USO1: variants seen among roughly 807,000 people sequenced by gnomAD.
The protein encoded by USO1 is general vesicular transport factor p115.
Under a neutral mutation model 124.5 loss-of-function variants are expected in USO1, and 57 were observed. The ratio of observed to expected loss-of-function variants is 0.46; its 90% CI spans 0.37 to 0.57. USO1 has a LOEUF of 0.57. Among genes scored for constraint, USO1 ranks in the 20% least tolerant of loss-of-function variants. The pLI is 0.00. For synonymous variants in USO1, 369 were observed against 362.8 expected (o/e 1.02, Z -0.19); for missense variants, 900 against 1,040.6 (o/e 0.86, Z 1.86).
In USO1 at chr4:75,757,713, C is replaced by G. The variant is rs184999483; in HGVS notation, c.295+140C>G. The G allele has an allele frequency of 3.1e-4, 238 of 776,768 alleles. No individual in the cohort carries two copies. In the African/African-American group the frequency reaches 3.9e-3, roughly 13 times the overall value. The allele number at this position is 776,768 out of a possible 1,614,324, so 48.1% of individuals were successfully genotyped here. A position where few individuals can be genotyped will look rare whatever the true frequency, so the allele number is the denominator to read the frequency against. On this transcript the variant is annotated intron_variant, in intron 4 of 23. Transcript: ENST00000514213. ...TTTTCATTAAAAAATTTAATAAACA[C>G]ATAGGCTTAGATCTAGAAAAGTGTC...
chr4:75,760,635 G>A, intron 4 of USO1: 1 of 397,618 alleles, frequency 2.5e-6, no homozygotes, highest in East Asian at 3.6e-5. Flanking sequence ...TCTGCATGAT[G>A]CTTTTAGGCA....
At chr4:75,753,858 A>T (rs1055341969) in intron 3 of USO1, among the ~76,000 whole-genome samples, 1 of 140,176 alleles carries the variant, frequency 7.1e-6, no homozygotes, top group South Asian at 2.2e-4. Flanking sequence ...ATCTCAGCTC[A>T]CTGCAAGCTC....
At chr4:75,761,823 A>G (rs1186662434) in intron 4 of USO1, among the ~76,000 whole-genome samples, 1 of 152,196 alleles carries the variant, frequency 6.6e-6, no homozygotes, top group African/African-American at 2.4e-5. Context: ...AAAGTTGCCT[A>G]TATATAATAA....
rs1445265348 is a variant in USO1, at chr4:75,765,959, GTGTTTGTTTTT to G, written c.296-4467_296-4457del. Among the ~76,000 whole-genome samples, 9 of 152,128 alleles carry G rather than the reference GTGTTTGTTTTT, an allele frequency of 5.9e-5. No homozygotes were observed. The South Asian group carries it at 1.0e-3, about 18-fold the overall frequency. On this transcript the variant is annotated intron_variant, in intron 4 of 23. Transcript: ENST00000514213. ...ATGATAGCTTTCAAGTGTACTTTTG[GTGTTTGTTTTT>G]TGTTTGTTTTTTATCCTTTATCCTC...
At chr4:75,731,898 C>G (rs1321138456) in intron 1 of USO1, among the ~76,000 whole-genome samples, 3 of 152,090 alleles carry the variant, frequency 2.0e-5, no homozygotes, top group Non-Finnish European at 4.4e-5. Flanking sequence ...CTGTATTACA[C>G]TAGTGTCCTT....
chr4:75,769,501 G>C (rs1047244870), intron 4 of USO1, among the ~76,000 whole-genome samples: 4 of 152,048 alleles, frequency 2.6e-5, no homozygotes, highest in Non-Finnish European at 4.4e-5. Context: ...ATTTAGAAAA[G>C]AATTTTCTGA....
intron 1 of USO1, among the ~76,000 whole-genome samples, chr4:75,741,198 A>C (rs1312248145): frequency 6.6e-6 from 1 of 152,200 alleles, no homozygotes; most frequent in African/African-American, 2.4e-5. Context: ...TAACAATGGT[A>C]AATATTTGTG....
At chr4:75,759,212 G>A (rs1295572740) in intron 4 of USO1, among the ~76,000 whole-genome samples, 1 of 125,362 alleles carries the variant, frequency 8.0e-6, no homozygotes, top group African/African-American at 3.1e-5. Flanking sequence ...TGATCCTTTG[G>A]ATAAACAGTA....
Position 75,768,776 on chromosome 4 carries a change from G to A in USO1, c.296-1663G>A, listed in dbSNP as rs1199307139. 3.9e-5 allele frequency among the ~76,000 whole-genome samples: 6 copies of A among 152,118 alleles called. 1 individual carries two copies. Among genetic ancestry groups the A allele is most frequent in the Admixed American group, 3.9e-4 (6 of 15,280 alleles). On this transcript the variant is annotated intron_variant, in intron 4 of 23. Coordinates refer to ENST00000514213, the MANE Select transcript of USO1 (RefSeq NM_003715.4). ...TGTTAGCTGTAAGGTTTTTGTAGTT[G>A]CACTTTGTCATCCAGTCTTGTGACT...
chr4:75,780,407 C>T (rs1722184934), intron 8 of USO1, among the ~76,000 whole-genome samples: 2 of 151,612 alleles, frequency 1.3e-5, no homozygotes, highest in South Asian at 4.2e-4. Flanking sequence ...GCTAACATTA[C>T]AGGCACCCAC....
intron 3 of USO1, among the ~76,000 whole-genome samples, chr4:75,755,095 A>G (rs1478974375): frequency 2.0e-5 from 3 of 152,192 alleles, no homozygotes; most frequent in South Asian, 2.1e-4. Flanking sequence ...AGGCTGTTTG[A>G]TATGGCAACT....
chr4:75,768,599 C>A (rs1209685477), intron 4 of USO1, among the ~76,000 whole-genome samples: 2 of 152,166 alleles, frequency 1.3e-5, no homozygotes, highest in African/African-American at 4.8e-5. Flanking sequence ...AGTTTTACTT[C>A]TTTTCTAATC....
rs141844331 is a variant in USO1, at chr4:75,726,019, C to G, written c.66+1134C>G. ...GAAGTAGGCCGGACGCGGTGGCTCA[C>G]GCCTCTAATCCCAGCACTTTGGGAG... is the stretch of plus-strand genomic sequence containing the variant. On this transcript the variant is annotated intron_variant, in intron 1 of 23. Transcript: ENST00000514213. 4.2e-3 allele frequency among the ~76,000 whole-genome samples: 635 copies of G among 152,218 alleles called. 4 individuals are homozygous for G. The highest frequency in any genetic ancestry group is 0.015 in the African/African-American group (620 of 41,542).
At chr4:75,742,802 T>C (rs555699836) in intron 1 of USO1, among the ~76,000 whole-genome samples, 2 of 152,312 alleles carry the variant, frequency 1.3e-5, no homozygotes, top group East Asian at 3.9e-4. Flanking sequence ...CCTTCCCAAC[T>C]TTCCTATCAT....
chr4:75,770,018 T>A (rs1183991806), intron 4 of USO1: 1 of 152,324 alleles, frequency 6.6e-6, no homozygotes, highest in Non-Finnish European at 1.5e-5. Flanking sequence ...GGGACAAGGG[T>A]TTTAAGATAC....
At chr4:75,799,007 T>C (rs1322042649) in intron 13 of USO1, among the ~76,000 whole-genome samples, 2 of 152,150 alleles carry the variant, frequency 1.3e-5, no homozygotes, top group African/African-American at 4.8e-5. Context: ...CTGTTAATGG[T>C]TTGGGGGCAC....
chr4:75,752,450 A>C lies in USO1; in HGVS notation c.144A>C (p.Ser48=), dbSNP rs965023002. The C allele has an allele frequency of 2.5e-6, 1 of 398,308 alleles. No individual in the cohort carries two copies. Among genetic ancestry groups the C allele is most frequent in the African/African-American group, 2.1e-5 (1 of 48,608 alleles). 24.7% of individuals were successfully genotyped at this position (398,308 alleles called of 1,614,324 possible). ...GAAATGCTGTTCGTGCTCTCAAATC[A>C]TTATCTAAGGTTTGTAACTTTGTAA... The part of the protein sequence containing the change: ...DRRNAVRALK[S]LSKKYRLEVG... The change falls in exon 2 of 24, where the codon TCA becomes TCC. Residue 48 remains serine (S), a synonymous_variant. Transcript: ENST00000514213.
At chr4:75,765,603 G>A (rs1721748167) in intron 4 of USO1, among the ~76,000 whole-genome samples, 1 of 149,192 alleles carries the variant, frequency 6.7e-6, no homozygotes, top group South Asian at 2.1e-4. Context: ...AATGGGAAGG[G>A]TGTGCAGTTC....
chr4:75,753,945 A>G (rs375330275), intron 3 of USO1, among the ~76,000 whole-genome samples: 1 of 151,274 alleles, frequency 6.6e-6, no homozygotes, highest in African/African-American at 2.4e-5. Context: ...CCACCACCAC[A>G]CCTGGCTAAT....
Sources: allele counts gnomAD v4.1 joint callset (sites outside exome capture counted in the v4.1 genomes callset), GRCh38; gene constraint gnomAD v4.1.1; transcripts MANE v1.5; gene names NCBI Gene and HGNC (gene_info 2026-07-23, HGNC 2026-07-21).